The following RSU1 variants were observed in gnomAD, a reference collection of about 807,000 sequenced individuals.
RSU1 encodes rsu-1.
RSU1 carries 26 observed loss-of-function variants against 31.1 expected under a neutral mutation model. That is an observed-to-expected ratio of 0.84 (90% CI 0.61 to 1.16). The LOEUF is 1.16. Ranked by LOEUF, RSU1 falls within the 50% of genes most tolerant of loss-of-function variation. The probability of loss-of-function intolerance (pLI) is 0.00; values close to 1 mark genes in which losing one functional copy is unlikely to be tolerated. For synonymous variants in RSU1, 164 were observed against 136.3 expected, an observed-to-expected ratio of 1.20 and a Z score of -1.41; for missense variants, 320 against 339.1, an observed-to-expected ratio of 0.94 and a Z score of 0.44.
intron 8 of RSU1, among the ~76,000 whole-genome samples, chr10:16,607,869 C>T (rs989663461): frequency 6.6e-5 from 10 of 152,130 alleles, no homozygotes; most frequent in South Asian, 4.1e-4. Context: ...CTATAATTAT[C>T]GTGAGTTTTT....
intron 8 of RSU1, among the ~76,000 whole-genome samples, chr10:16,675,046 T>A (rs1207013371): frequency 6.7e-6 from 1 of 148,530 alleles, no homozygotes; most frequent in Admixed American, 6.7e-5. Flanking sequence ...AATAAATAAA[T>A]AAAAATAAAA....
intron 8 of RSU1, among the ~76,000 whole-genome samples, chr10:16,676,962 G>A (rs1835245706): frequency 6.6e-6 from 1 of 152,190 alleles, no homozygotes. Flanking sequence ...GGAGCTGGCA[G>A]TAGGAATACT....
At chr10:16,618,866 T>C (rs971906099) in intron 8 of RSU1, among the ~76,000 whole-genome samples, 3 of 152,112 alleles carry the variant, frequency 2.0e-5, no homozygotes, top group Non-Finnish European at 2.9e-5. Flanking sequence ...TTAGTACAAA[T>C]ACCTAATGCA....
intron 7 of RSU1, among the ~76,000 whole-genome samples, chr10:16,741,435 T>C (rs902164592): frequency 6.6e-6 from 1 of 152,168 alleles, no homozygotes; most frequent in Admixed American, 6.5e-5. Context: ...CAAACGATGT[T>C]CTAAAGTTGT....
At chr10:16,805,444 G>A (rs117847039) in intron 2 of RSU1, among the ~76,000 whole-genome samples, 3,810 of 152,082 alleles carry the variant, frequency 0.025, 47 homozygotes, top group Non-Finnish European at 0.036. Context: ...GGCCGAGGAG[G>A]GTGGATCACG....
At chr10:16,817,293 G>A (rs1214289968) in intron 1 of RSU1, 22 bp downstream of exon 1, 4 of 568,784 alleles carry the variant, frequency 7.0e-6, no homozygotes, top group Non-Finnish European at 1.3e-5. Context: ...GCAACCCCAA[G>A]TGCAACACCG....
intron 7 of RSU1, among the ~76,000 whole-genome samples, chr10:16,705,474 GT>G (rs921486144): frequency 3.3e-5 from 5 of 151,342 alleles, no homozygotes; most frequent in Non-Finnish European, 5.9e-5. Flanking sequence ...TGCTATTTTT[GT>G]TTTTTTTCCC....
intron 8 of RSU1, among the ~76,000 whole-genome samples, chr10:16,672,325 T>C (rs1588706341): frequency 6.6e-6 from 1 of 151,402 alleles, no homozygotes; most frequent in African/African-American, 2.4e-5. Flanking sequence ...AAAAGGTAAA[T>C]CCATACCTGC....
intron 8 of RSU1, among the ~76,000 whole-genome samples, chr10:16,652,455 A>T (rs1360636894): frequency 6.6e-6 from 1 of 151,844 alleles, no homozygotes; most frequent in Non-Finnish European, 1.5e-5. Flanking sequence ...GTGGAAAAAA[A>T]CATTTCCCAA....
At chr10:16,772,586 T>C (rs1037668463) in intron 3 of RSU1, among the ~76,000 whole-genome samples, 1 of 114,900 alleles carries the variant, frequency 8.7e-6, no homozygotes, top group Non-Finnish European at 1.7e-5. Context: ...AAAGGAAGGG[T>C]AGGAAAAATG....
chr10:16,627,091 T>G (rs982408564), intron 8 of RSU1, among the ~76,000 whole-genome samples: 1 of 152,248 alleles, frequency 6.6e-6, no homozygotes, highest in Non-Finnish European at 1.5e-5. Flanking sequence ...CAATTTATAA[T>G]ATCACTTCAC....
intron 7 of RSU1, among the ~76,000 whole-genome samples, chr10:16,739,242 G>GGATCAAATGGTATTTCTGGTTCTA (rs1487713765): frequency 6.6e-6 from 1 of 151,934 alleles, no homozygotes; most frequent in Non-Finnish European, 1.5e-5. Flanking sequence ...TGGGATTGCT[G>GGATCAAATGGTATTTCTGGTTCTA]GATCAAATGG....
At chr10:16,727,379 C>T (rs961271209) in intron 7 of RSU1, among the ~76,000 whole-genome samples, 61 of 152,138 alleles carry the variant, frequency 4.0e-4, no homozygotes, top group African/African-American at 1.4e-3. Flanking sequence ...GGCAAATTCA[C>T]GACCACAGTG....
intron 3 of RSU1, among the ~76,000 whole-genome samples, chr10:16,765,882 T>C (rs893071546): frequency 6.6e-6 from 1 of 152,228 alleles, no homozygotes; most frequent in Admixed American, 6.5e-5. Flanking sequence ...CGGGAGCACC[T>C]GTGATTAGAA....
At chr10:16,742,495 A>G (rs1224199112) in intron 7 of RSU1, among the ~76,000 whole-genome samples, 1 of 151,956 alleles carries the variant, frequency 6.6e-6, no homozygotes, top group African/African-American at 2.4e-5. Context: ...TTCTTTTAAC[A>G]TAGGAACACT....
intron 8 of RSU1, among the ~76,000 whole-genome samples, chr10:16,684,546 C>T (rs1179390525): frequency 6.6e-6 from 1 of 152,048 alleles, no homozygotes; most frequent in Non-Finnish European, 1.5e-5. Flanking sequence ...GACAGAGATA[C>T]CTAGAGAGAT....
rs560838416 is a variant in RSU1 at position 16,609,584 on chromosome 10, C to T, written c.732-16088G>A. On this transcript the variant is annotated intron_variant, in intron 8 of 8. Transcript: ENST00000345264. ...AGCCAAGCACCTCCCGGGCCCCGTA[C>T]GACGACACTGGATGGAACATTCCAA... Among the ~76,000 whole-genome samples the T allele has an allele frequency of 6.1e-4, 93 of 152,330 alleles. No individual in the cohort carries two copies. The South Asian group carries it at 0.018, about 29-fold the overall frequency.
intron 7 of RSU1, among the ~76,000 whole-genome samples, chr10:16,743,415 C>T (rs866021636): frequency 6.6e-6 from 1 of 152,214 alleles, no homozygotes; most frequent in Admixed American, 6.5e-5. Flanking sequence ...CCAGAGAGCT[C>T]TCCTTGCCTA....
intron 7 of RSU1, among the ~76,000 whole-genome samples, chr10:16,706,948 G>GT (rs1835916671): frequency 6.6e-6 from 1 of 151,752 alleles, no homozygotes; most frequent in Admixed American, 6.6e-5. Context: ...TACCAACTCT[G>GT]TTTTTGTTGT....
Sources: gnomAD v4.1 joint callset for allele counts (sites outside exome capture counted in the v4.1 genomes callset) on GRCh38, gnomAD v4.1.1 for gene constraint, MANE v1.5 for transcripts, NCBI Gene and HGNC (gene_info 2026-07-23, HGNC 2026-07-21) for gene names.